SCFD2: variants seen among roughly 807,000 people sequenced by gnomAD.
SCFD2 encodes the protein sec1 family domain containing 2.
A neutral mutation model predicts 58.9 loss-of-function variants in SCFD2; 54 were observed. That is an observed-to-expected ratio of 0.92 (90% CI 0.74 to 1.15). The LOEUF is 1.15. Ranked by LOEUF, SCFD2 falls within the 50% of genes most tolerant of loss-of-function variation. The pLI is 0.00. For missense variants in SCFD2, 805 were observed against 836.6 expected (o/e 0.96, Z 0.47); for synonymous variants, 321 against 335.9 (o/e 0.96, Z 0.49).
At chr4:53,346,060 T>C (rs985736016) in intron 2 of SCFD2, among the ~76,000 whole-genome samples, 1 of 152,062 alleles carries the variant, frequency 6.6e-6, no homozygotes, top group Admixed American at 6.5e-5. Context: ...GTAACAAACC[T>C]GCACGTTGTG....
chr4:52,973,859 T>G (rs1367646512), intron 5 of SCFD2, among the ~76,000 whole-genome samples: 2 of 152,178 alleles, frequency 1.3e-5, no homozygotes, highest in African/African-American at 4.8e-5. Flanking sequence ...CAAGGCTGCT[T>G]CATCATAGGC....
chr4:53,208,936 T>G (rs1360687100), intron 4 of SCFD2, among the ~76,000 whole-genome samples: 1 of 152,152 alleles, frequency 6.6e-6, no homozygotes, highest in Non-Finnish European at 1.5e-5. Context: ...GCCACAGGAA[T>G]GTACCCAATA....
At chr4:53,127,403 T>C (rs1725658453) in intron 5 of SCFD2, among the ~76,000 whole-genome samples, 1 of 152,206 alleles carries the variant, frequency 6.6e-6, no homozygotes. Flanking sequence ...GAGTCTTCTA[T>C]GTGCGCACCC....
chr4:52,918,383 A>ATGTGACAG (rs1398385253), intron 6 of SCFD2, among the ~76,000 whole-genome samples: 9 of 152,180 alleles, frequency 5.9e-5, no homozygotes, highest in Admixed American at 5.2e-4. Flanking sequence ...AGCATCCACT[A>ATGTGACAG]TGTGACAGAT....
chr4:52,984,954 T>C (rs1482384132), intron 5 of SCFD2, among the ~76,000 whole-genome samples: 1 of 152,208 alleles, frequency 6.6e-6, no homozygotes, highest in African/African-American at 2.4e-5. Flanking sequence ...TATCAAAACC[T>C]ACTGAAACTT....
chr4:53,247,969 C>T (rs972834364), intron 4 of SCFD2, among the ~76,000 whole-genome samples: 22 of 151,742 alleles, frequency 1.4e-4, no homozygotes, highest in African/African-American at 4.4e-4. Context: ...CCAGCGTGAG[C>T]GATGCAAAAG....
intron 5 of SCFD2, among the ~76,000 whole-genome samples, chr4:53,102,009 T>C (rs569385230): frequency 1.3e-5 from 2 of 152,322 alleles, no homozygotes; most frequent in East Asian, 1.9e-4. Flanking sequence ...TATTAAAACC[T>C]ACCACAAAAT....
chr4:53,294,509 T>C (rs1350039542), intron 3 of SCFD2, among the ~76,000 whole-genome samples: 1 of 152,188 alleles, frequency 6.6e-6, no homozygotes, highest in Non-Finnish European at 1.5e-5. Flanking sequence ...TGTAAATTTG[T>C]TTAAGTTATT....
intron 4 of SCFD2, among the ~76,000 whole-genome samples, chr4:53,213,286 G>T (rs1413610796): frequency 6.6e-6 from 1 of 152,072 alleles, no homozygotes; most frequent in African/African-American, 2.4e-5. Context: ...TTTTATTGCT[G>T]CAGGTGTATA....
chr4:53,067,593 G>T (rs1723698828), intron 5 of SCFD2, among the ~76,000 whole-genome samples: 1 of 151,962 alleles, frequency 6.6e-6, no homozygotes, highest in South Asian at 2.1e-4. Context: ...CATGATATCT[G>T]ATGGTTTTAT....
intron 5 of SCFD2, among the ~76,000 whole-genome samples, chr4:52,999,372 G>A (rs966750455): frequency 1.3e-5 from 2 of 152,172 alleles, no homozygotes; most frequent in Admixed American, 6.5e-5. Context: ...TCATCAGATT[G>A]CAATTCTGTT....
chr4:53,022,067 T>G (rs1244545774), intron 5 of SCFD2, among the ~76,000 whole-genome samples: 1 of 152,210 alleles, frequency 6.6e-6, no homozygotes, highest in East Asian at 1.9e-4. Context: ...GTGATTTGTG[T>G]TGTTGTCAGA....
At chr4:53,332,123 A>G (rs1733497658) in intron 2 of SCFD2, among the ~76,000 whole-genome samples, 1 of 151,776 alleles carries the variant, frequency 6.6e-6, no homozygotes, top group African/African-American at 2.4e-5. Context: ...CCAACCAAAA[A>G]GAGTCCAGGA....
intron 4 of SCFD2, among the ~76,000 whole-genome samples, chr4:53,214,014 C>T (rs1728718194): frequency 6.6e-6 from 1 of 152,100 alleles, no homozygotes; most frequent in African/African-American, 2.4e-5. Context: ...CATAGTATCC[C>T]ATGGTGTGTA....
At chr4:52,958,288 G>A (rs1720757299) in intron 5 of SCFD2, among the ~76,000 whole-genome samples, 1 of 152,198 alleles carries the variant, frequency 6.6e-6, no homozygotes, top group African/African-American at 2.4e-5. Flanking sequence ...ATCTGACTGA[G>A]TTGTGAGGCC....
At chr4:53,169,618 T>C (rs181511131) in intron 4 of SCFD2, among the ~76,000 whole-genome samples, 15 of 152,226 alleles carry the variant, frequency 9.9e-5, no homozygotes, top group African/African-American at 3.4e-4. Context: ...GGAGCCTTTG[T>C]ATAGTTTTCT....
intron 7 of SCFD2, among the ~76,000 whole-genome samples, chr4:52,901,766 C>T (rs999666494): frequency 3.9e-5 from 6 of 152,186 alleles, no homozygotes; most frequent in Non-Finnish European, 7.3e-5. Context: ...CTGATTTCAA[C>T]AGGAATGCAT....
At chr4:52,879,516 T>C (rs1277832572) in intron 8 of SCFD2, among the ~76,000 whole-genome samples, 1 of 152,142 alleles carries the variant, frequency 6.6e-6, no homozygotes, top group East Asian at 1.9e-4. Flanking sequence ...AGCAGATAAC[T>C]TGACATCAAA....
At chr4:53,186,450 G>A (rs1727739113) in intron 4 of SCFD2, among the ~76,000 whole-genome samples, 1 of 151,894 alleles carries the variant, frequency 6.6e-6, no homozygotes, top group Non-Finnish European at 1.5e-5. Flanking sequence ...CTTGCACGAA[G>A]AACATGTCCA....
Sources: gnomAD v4.1 joint callset for allele counts (sites outside exome capture counted in the v4.1 genomes callset) on GRCh38, gnomAD v4.1.1 for gene constraint, MANE v1.5 for transcripts, NCBI Gene and HGNC (gene_info 2026-07-23, HGNC 2026-07-21) for gene names.